Variants in PALM observed in about 807,000 individuals in gnomAD.
PALM encodes the protein paralemmin, also known as paralemmin-1.
In PALM, 18 loss-of-function variants were observed where a neutral mutation model predicts 30.7. The ratio of observed to expected loss-of-function variants is 0.59; its 90% CI spans 0.41 to 0.87. The LOEUF (loss-of-function observed/expected upper bound fraction) is 0.87, where lower values mean the gene tolerates loss of function less well. Among genes scored for constraint, PALM ranks in the 40% least tolerant of loss-of-function variants. PALM has a pLI of 0.00. For synonymous variants in PALM, 286 were observed against 242.8 expected (o/e 1.18, Z -1.66); for missense variants, 529 against 555.4 (o/e 0.95, Z 0.48).
intron 7 of PALM, among the ~76,000 whole-genome samples, chr19:736,807 A>G (rs1019913551): frequency 6.6e-6 from 1 of 152,072 alleles, no homozygotes; most frequent in Non-Finnish European, 1.5e-5. Context: ...CCACCCCAGC[A>G]CTTTGGGAGG....
intron 1 of PALM, among the ~76,000 whole-genome samples, chr19:712,778 C>T (rs1232583680): frequency 3.3e-5 from 5 of 151,694 alleles, no homozygotes; most frequent in East Asian, 1.9e-4. Flanking sequence ...TGGGTTCAAG[C>T]GATTCTCCTG....
chr19:737,455 T>C (rs1225251497), intron 7 of PALM, among the ~76,000 whole-genome samples: 1 of 152,114 alleles, frequency 6.6e-6, no homozygotes, highest in African/African-American at 2.4e-5. Flanking sequence ...TGCCAGGCAT[T>C]GGGGGAGAGG....
Position 736,018 on chromosome 19 carries a change from G to A in PALM, c.443-1G>A. The A allele has an allele frequency of 6.2e-7, 1 of 1,609,484 alleles. No individual in the cohort carries two copies. The highest frequency in any genetic ancestry group is 8.5e-7 in the Non-Finnish European group (1 of 1,177,690). On this transcript the variant is annotated splice_acceptor_variant, in intron 6 of 8. Transcript: ENST00000338448. LOFTEE classifies it high-confidence loss of function. ...TCTCTCCGCTTCCACCTCCCGTGCA[G>A]ACAAGCGAGTCTCCAACACGCCCCT... is the stretch of plus-strand genomic sequence containing the variant.
intron 5 of PALM, among the ~76,000 whole-genome samples, chr19:731,990 T>C (rs2032892588): frequency 6.6e-6 from 1 of 152,060 alleles, no homozygotes; most frequent in Non-Finnish European, 1.5e-5. Flanking sequence ...TGTTTGTTTT[T>C]GACACAGGGT....
rs1010731431 is a variant in PALM, at chr19:747,116, C to G, written c.*302C>G. 2 of 327,036 alleles carry G rather than the reference C, an allele frequency of 6.1e-6. No homozygotes were observed. Among genetic ancestry groups the G allele is most frequent in the Admixed American group, 4.8e-5 (1 of 20,970 alleles). The allele number at this position is 327,036 out of a possible 1,614,324, so 20.3% of individuals were successfully genotyped here. A position where few individuals can be genotyped will look rare whatever the true frequency, so the allele number is the denominator to read the frequency against. On this transcript the variant is annotated 3_prime_UTR_variant, in exon 9 of 9. Coordinates refer to ENST00000338448, the MANE Select transcript of PALM (RefSeq NM_002579.3). ...TCACGGCAGCTTCACAGACGCGGCT[C>G]GCGCCCACCGGGGTCCTGGCGGGTG...
intron 5 of PALM, among the ~76,000 whole-genome samples, chr19:733,860 C>T (rs1361497974): frequency 6.6e-6 from 1 of 152,182 alleles, no homozygotes; most frequent in Non-Finnish European, 1.5e-5. Flanking sequence ...ATGACGCAGG[C>T]CTGTAACCCC....
chr19:719,249 C>T (rs2032373005), intron 1 of PALM: 2 of 985,556 alleles, frequency 2.0e-6, no homozygotes, highest in Non-Finnish European at 2.4e-6. Context: ...GCTGGGTGAC[C>T]TTGGCCGTTG....
In PALM at chr19:742,048, A is replaced by C. The variant is rs989768213; in HGVS notation, c.634+1565A>C. Among the ~76,000 whole-genome samples, 5 of 152,132 alleles carry C rather than the reference A, an allele frequency of 3.3e-5. No homozygotes were observed. Among genetic ancestry groups the C allele is most frequent in the East Asian group, 3.9e-4 (2 of 5,174 alleles). On this transcript the variant is annotated intron_variant, in intron 8 of 8. Transcript: ENST00000338448. The surrounding 1 kb of genome is among the most constrained non-coding windows in gnomAD (Gnocchi z 5.5). ...TATGAGATATAATTCGCAGACCATA[A>C]AATTCCGCCTTAATGGGAGGCTCAT... is the stretch of plus-strand genomic sequence containing the variant.
chr19:729,984 A>G (rs1010930935), intron 4 of PALM, among the ~76,000 whole-genome samples: 4 of 152,188 alleles, frequency 2.6e-5, no homozygotes, highest in Non-Finnish European at 5.9e-5. Flanking sequence ...AGGCCCCTCG[A>G]TGGAGGGTGA....
chr19:726,157 A>G lies in PALM; in HGVS notation c.25A>G (p.Thr9Ala), dbSNP rs2032654014. The G allele has an allele frequency of 4.3e-6, 7 of 1,613,298 alleles. No homozygotes were observed. The East Asian group carries it at 1.3e-4, about 31-fold the overall frequency. The change falls in exon 2 of 9, where the codon ACG becomes GCG. Residue 9 changes from threonine to alanine, a missense_variant. By Grantham distance (58) the Thr-to-Ala change is moderately conservative. Transcript: ENST00000338448. ...CCGCAGGGTCCTGGCGGCAGAGACC[A>G]CGTCCCAGCAGGAGCGGCTGCAGGC... MEVLAAET[T>A]SQQERLQAIA...
chr19:712,001 T>C (rs2032095219), intron 1 of PALM, among the ~76,000 whole-genome samples: 1 of 151,910 alleles, frequency 6.6e-6, no homozygotes, highest in African/African-American at 2.4e-5. Flanking sequence ...GAGTGCTCTG[T>C]ATGTGTGTGA....
chr19:733,565 C>T (rs2032932876), intron 5 of PALM, among the ~76,000 whole-genome samples: 1 of 152,188 alleles, frequency 6.6e-6, no homozygotes, highest in Non-Finnish European at 1.5e-5. Flanking sequence ...CAGTGGCTCC[C>T]AGGAGGCCAA....
At chr19:737,644 G>C (rs758105705) in intron 7 of PALM, among the ~76,000 whole-genome samples, 2 of 152,166 alleles carry the variant, frequency 1.3e-5, no homozygotes, top group Non-Finnish European at 2.9e-5. Flanking sequence ...CTATCTGGAG[G>C]AAGGTGTCCA....
chr19:734,233 C>A (rs1356622209), intron 6 of PALM, 39 bp downstream of exon 6: 9 of 1,603,996 alleles, frequency 5.6e-6, no homozygotes, highest in Non-Finnish European at 7.7e-6. Context: ...CCTCGGCGCA[C>A]TCTGGTGGCC....
At position 740,388 on chromosome 19, in the gene PALM, A is replaced by T. The variant is rs1338876728; in HGVS notation, c.539A>T (p.Lys180Met). The T allele has an allele frequency of 6.4e-7, 1 of 1,562,454 alleles. No homozygotes were observed. The highest frequency in any genetic ancestry group is 8.7e-7 in the Non-Finnish European group (1 of 1,153,030). ...GTTGAGATCACTGTGGAGAAGGACA[A>T]GGTGACAGGGGAGACCAGGGTGCTG... The part of the protein sequence containing the change: ...YSVEITVEKD[K>M]VTGETRVLSS... The change falls in exon 8 of 9, where the codon AAG becomes ATG. Residue 180 changes from lysine (K) to methionine (M), a missense_variant. Transcript: ENST00000338448.
chr19:713,889 T>C (rs538079214), intron 1 of PALM, among the ~76,000 whole-genome samples: 3 of 146,096 alleles, frequency 2.1e-5, no homozygotes, highest in East Asian at 4.1e-4. Flanking sequence ...GCCTATGTTC[T>C]TTTTTTCTTT....
chr19:739,723 C>G (rs1336137724), intron 7 of PALM, among the ~76,000 whole-genome samples: 1 of 152,076 alleles, frequency 6.6e-6, no homozygotes, highest in African/African-American at 2.4e-5. Flanking sequence ...CGCCTGTAAT[C>G]CCAGCACTTT....
chr19:717,289 C>T (rs2238551), intron 1 of PALM, among the ~76,000 whole-genome samples: 31,318 of 152,018 alleles, frequency 0.21, 3,623 homozygotes, highest in East Asian at 0.5. Context: ...CAAGCCCTGT[C>T]CCCATTAGGC....
At position 746,523 on chromosome 19, in the gene PALM, G is replaced by T. The variant is rs373394197; in HGVS notation, c.873G>T (p.Gln291His). The T allele has an allele frequency of 1.4e-5, 23 of 1,612,850 alleles. No individual in the cohort carries two copies. Among genetic ancestry groups the T allele is most frequent in the African/African-American group, 1.1e-4 (8 of 74,902 alleles). ...CCACGTCCGGCCCGCCGGGGATCCA[G>T]CCCGGCCAGGAGCCCCCGGTCACAA... Reference protein sequence around the residue: ...GEATSGPPGIQPGQEPPVTMI... With the variant: ...GEATSGPPGIHPGQEPPVTMI... The change falls in exon 9 of 9, where the codon CAG becomes CAT. Residue 291 changes from glutamine (Q) to histidine (H), a missense_variant. Coordinates refer to ENST00000338448, the MANE Select transcript of PALM (RefSeq NM_002579.3). This position sits in a 1 kb window ranked among gnomAD's most constrained non-coding sequence, Gnocchi z 7.1.
Sources: gnomAD v4.1 joint callset for allele counts (sites outside exome capture counted in the v4.1 genomes callset) on GRCh38, gnomAD v4.1.1 for gene constraint, Gnocchi (gnomAD v3.1) non-coding constraint, MANE v1.5 for transcripts, NCBI Gene and HGNC (gene_info 2026-07-23, HGNC 2026-07-21) for gene names.